The following SLC40A1 variants were observed in gnomAD, a reference collection of about 807,000 sequenced individuals.
The protein encoded by SLC40A1 is ferroportin.
SLC40A1 carries 16 observed loss-of-function variants against 53.5 expected under a neutral mutation model. The observed-to-expected ratio is 0.30, with a 90% confidence interval of 0.20 to 0.45. The LOEUF (loss-of-function observed/expected upper bound fraction) is 0.45, where lower values mean the gene tolerates loss of function less well. SLC40A1 is among the 20% of genes least tolerant of loss of function. The pLI, the probability that SLC40A1 is intolerant of heterozygous loss-of-function variation, is 1.00. For synonymous variants in SLC40A1, 247 were observed against 253.2 expected, an observed-to-expected ratio of 0.98 and a Z score of 0.23; for missense variants, 545 against 695.4, an observed-to-expected ratio of 0.78 and a Z score of 2.43.
intron 6 of SLC40A1, among the ~76,000 whole-genome samples, chr2:189,564,879 C>T (rs1246424620): frequency 6.6e-6 from 1 of 152,114 alleles, no homozygotes; most frequent in Non-Finnish European, 1.5e-5. Flanking sequence ...TTTCTGGGTC[C>T]CTGCAGAGCT....
At position 189,563,756 on chromosome 2, in the gene SLC40A1, T is replaced by G; in HGVS notation, c.1230A>C (p.Ser410=). ...LSVSPFEDIR[S]RFIQGESITP... ...TAATTGACTCTCCTTGAATGAACCTTGATCGGATATCTTCAAAAGGAGAAA... is the reference window on the plus strand; with the variant it reads ...TAATTGACTCTCCTTGAATGAACCTGGATCGGATATCTTCAAAAGGAGAAA... The change falls in exon 7 of 8, where the codon TCA becomes TCC. Residue 410 remains serine, a synonymous_variant. Transcript: ENST00000261024. 1 of 1,614,206 alleles carries G rather than the reference T, an allele frequency of 6.2e-7. No homozygotes were observed. The highest frequency in any genetic ancestry group is 2.2e-5 in the East Asian group (1 of 44,882).
chr2:189,575,757 A>C (rs182605807), intron 2 of SLC40A1, among the ~76,000 whole-genome samples: 1 of 152,222 alleles, frequency 6.6e-6, no homozygotes, highest in Non-Finnish European at 1.5e-5. Flanking sequence ...GTATACCTTG[A>C]GCATCAAGAA....
chr2:189,569,820 C>A (rs1258591699), intron 5 of SLC40A1, among the ~76,000 whole-genome samples: 1 of 152,074 alleles, frequency 6.6e-6, no homozygotes, highest in African/African-American at 2.4e-5. Context: ...CTAGATTCTT[C>A]CACTCTGCAA....
intron 5 of SLC40A1, among the ~76,000 whole-genome samples, chr2:189,566,687 G>A (rs2030949185): frequency 6.6e-6 from 1 of 152,152 alleles, no homozygotes; most frequent in South Asian, 2.1e-4. Context: ...GGTACAGGTA[G>A]GAAGAGAGAC....
In SLC40A1 at chr2:189,563,838, C is replaced by G. The variant is rs2030838970; in HGVS notation, c.1148G>C (p.Cys383Ser). The part of the protein sequence containing the change: ...GLISGLAQLS[C>S]LILCVISVFM... ...TACAGAGATCACACACAAGATCAAA[C>G]AGGAAAGCTGTGCCAATCCTGAGAT... is the stretch of plus-strand genomic sequence containing the variant. The change falls in exon 7 of 8, where the codon TGT (cysteine) becomes TCT (serine). Residue 383 changes from cysteine (C) to serine (S), a missense_variant. Physicochemically the swap from Cys to Ser is moderately radical, Grantham distance 112. This residue lies in a region of SLC40A1 where 234 missense variants were observed against 299.0 expected (regional missense o/e 0.78). Transcript: ENST00000261024. 2.5e-6 allele frequency: 4 copies of G among 1,614,176 alleles called. No individual in the cohort carries two copies. The highest frequency in any genetic ancestry group is 1.6e-4 in the Middle Eastern group (1 of 6,062).
At chr2:189,571,935 G>T in intron 4 of SLC40A1, 94 bp from the exon 5 acceptor site, 1 of 831,664 alleles carries the variant, frequency 1.2e-6, no homozygotes, top group East Asian at 2.4e-5. Flanking sequence ...GTCTTTGGTG[G>T]AATGATAAAA....
rs1408700766 is a variant in SLC40A1, at chr2:189,563,749, T to C, written c.1237A>G (p.Ile413Val). 1.2e-6 allele frequency: 2 copies of C among 1,614,086 alleles called. No individual in the cohort carries two copies. Among genetic ancestry groups the C allele is most frequent in the African/African-American group, 2.7e-5 (2 of 74,922 alleles). Residue 413 changes from isoleucine to valine, a missense_variant, in exon 7 of 8, where the codon ATT becomes GTT. Around this residue, in one of 4 missense-constraint regions of SLC40A1, gnomAD observed 234 missense variants for 299.0 expected, o/e 0.78. Coordinates refer to ENST00000261024, the MANE Select transcript of SLC40A1 (RefSeq NM_014585.6). Reference sequence around the variant, plus strand: ...GTAGGTGTAATTGACTCTCCTTGAATGAACCTTGATCGGATATCTTCAAAA... The same window carrying C: ...GTAGGTGTAATTGACTCTCCTTGAACGAACCTTGATCGGATATCTTCAAAA... ...SPFEDIRSRF[I>V]QGESITPTKI... is the part of the protein sequence containing the mutation.
chr2:189,563,373 T>C (rs966842218), intron 7 of SLC40A1, among the ~76,000 whole-genome samples: 12 of 151,296 alleles, frequency 7.9e-5, no homozygotes, highest in Non-Finnish European at 1.6e-4. Flanking sequence ...TATATGTATA[T>C]AATAAAGTAA....
At chr2:189,576,227 T>C (rs2031281750) in intron 2 of SLC40A1, among the ~76,000 whole-genome samples, 1 of 152,192 alleles carries the variant, frequency 6.6e-6, no homozygotes, top group Non-Finnish European at 1.5e-5. Flanking sequence ...CCATGTTCCA[T>C]CATAACTTAT....
chr2:189,571,867 G>T, intron 4 of SLC40A1, 26 bp from the exon 5 acceptor site: 1 of 1,469,610 alleles, frequency 6.8e-7, no homozygotes, highest in Non-Finnish European at 9.5e-7. Flanking sequence ...AAAAAAATGA[G>T]TTATAATGTC....
chr2:189,568,375 G>A (rs1486891550), intron 5 of SLC40A1, among the ~76,000 whole-genome samples: 1 of 152,136 alleles, frequency 6.6e-6, no homozygotes, highest in Admixed American at 6.5e-5. Flanking sequence ...TGTAGTCACA[G>A]CTACTCAGGA....
chr2:189,580,653 T>C lies in SLC40A1; in HGVS notation c.-193A>G. On this transcript the variant is annotated 5_prime_UTR_variant, in exon 1 of 8. Transcript: ENST00000261024. Reference sequence around the variant, plus strand: ...GGGGCCCAGGGATTTTCTTTTTTCCTTCTTTCCAAACTTAGCTAACACTGT... The same window carrying C: ...GGGGCCCAGGGATTTTCTTTTTTCCCTCTTTCCAAACTTAGCTAACACTGT... 2.6e-6 allele frequency: 4 copies of C among 1,519,814 alleles called. No individual in the cohort carries two copies. The highest frequency in any genetic ancestry group is 3.5e-6 in the Non-Finnish European group (4 of 1,139,096). The allele number at this position is 1,519,814 out of a possible 1,614,324, so 94.1% of individuals were successfully genotyped here. A position where few individuals can be genotyped will look rare whatever the true frequency, so the allele number is the denominator to read the frequency against.
chr2:189,565,176 GT>G (rs950092772), intron 6 of SLC40A1, among the ~76,000 whole-genome samples, 177 bp downstream of exon 6: 1 of 152,118 alleles, frequency 6.6e-6, no homozygotes, highest in Non-Finnish European at 1.5e-5. Context: ...TCAACCCGGA[GT>G]TTTTCCCTAG....
intron 5 of SLC40A1, among the ~76,000 whole-genome samples, chr2:189,570,277 T>A (rs527909282): frequency 6.6e-6 from 1 of 152,204 alleles, no homozygotes; most frequent in South Asian, 2.1e-4. Flanking sequence ...GCTGCACAAA[T>A]CACAGAATAA....
intron 2 of SLC40A1, among the ~76,000 whole-genome samples, chr2:189,577,119 C>T (rs1355263102): frequency 2.6e-5 from 4 of 152,184 alleles, no homozygotes; most frequent in African/African-American, 7.2e-5. Flanking sequence ...CCAATTCTCA[C>T]TAAACTTGGA....
intron 3 of SLC40A1, 136 bp downstream of exon 3, chr2:189,575,024 TA>T: frequency 1.0e-6 from 1 of 1,000,952 alleles, no homozygotes; most frequent in Non-Finnish European, 1.6e-6. Flanking sequence ...TGGTGCCATC[TA>T]AGCCCTCCTC....
intron 2 of SLC40A1, among the ~76,000 whole-genome samples, chr2:189,577,543 C>T (rs1175096390): frequency 1.3e-5 from 2 of 149,744 alleles, no homozygotes; most frequent in Non-Finnish European, 3.0e-5. Flanking sequence ...ACACTGTCAT[C>T]TTTTTGTTAT....
At position 189,569,717 on chromosome 2, in the gene SLC40A1, A is replaced by G. The variant is rs3792077; in HGVS notation, c.514+1998T>C. ...TGGATGTGAAAGAGCACCACTTACTAAAAGCTAATGTAGAGTGGACAAGAG... is the reference window on the plus strand; with the variant it reads ...TGGATGTGAAAGAGCACCACTTACTGAAAGCTAATGTAGAGTGGACAAGAG... On this transcript the variant is annotated intron_variant, in intron 5 of 7. Coordinates refer to ENST00000261024, the MANE Select transcript of SLC40A1 (RefSeq NM_014585.6). Among the ~76,000 whole-genome samples the G allele has an allele frequency of 5.6e-4, 85 of 152,304 alleles. No homozygotes were observed. The East Asian group carries it at 0.015, about 27-fold the overall frequency.
chr2:189,574,315 G>T (rs142574836), intron 3 of SLC40A1, among the ~76,000 whole-genome samples: 3 of 152,098 alleles, frequency 2.0e-5, no homozygotes, highest in African/African-American at 4.8e-5. Flanking sequence ...CTCTATATGT[G>T]TTCTGGTCTA....
Sources: allele counts gnomAD v4.1 joint callset (sites outside exome capture counted in the v4.1 genomes callset), GRCh38; gene constraint gnomAD v4.1.1; regional missense constraint gnomAD v4.1.1; transcripts MANE v1.5; gene names NCBI Gene and HGNC (gene_info 2026-07-23, HGNC 2026-07-21).